NBAS: variants seen among roughly 807,000 people sequenced by gnomAD.
NBAS encodes NAG/BC035112 fusion.
Under a neutral mutation model 302.5 loss-of-function variants are expected in NBAS, and 219 were observed. That is an observed-to-expected ratio of 0.72 (90% confidence interval 0.65 to 0.81). The LOEUF (loss-of-function observed/expected upper bound fraction) is 0.81. Ranked by LOEUF, NBAS falls within the 30% of genes least tolerant of loss-of-function variation. NBAS has a pLI of 0.00. For synonymous variants in NBAS, 1,118 were observed against 1,021.6 expected (o/e 1.09, Z -1.80); for missense variants, 2,932 against 2,841.6 (o/e 1.03, Z -0.72).
chr2:15,315,115 T>C (rs954728537), intron 38 of NBAS, among the ~76,000 whole-genome samples: 2 of 152,206 alleles, frequency 1.3e-5, no homozygotes, highest in Non-Finnish European at 2.9e-5. Flanking sequence ...TCACAATCTG[T>C]ACAATCATAC....
intron 23 of NBAS, among the ~76,000 whole-genome samples, chr2:15,419,868 T>C (rs892903568): frequency 6.6e-6 from 1 of 152,062 alleles, no homozygotes; most frequent in Non-Finnish European, 1.5e-5. Flanking sequence ...TCTGCCACCA[T>C]GCCTGGCTAA....
chr2:14,802,433 G>A, the NBAS span, among the ~76,000 whole-genome samples: 4 of 151,494 alleles, frequency 2.6e-5, no homozygotes, highest in Non-Finnish European at 5.9e-5. Flanking sequence ...TAGCCTTGTA[G>A]TATAGTTTGA....
At chr2:15,054,467 T>C in the NBAS span, among the ~76,000 whole-genome samples, 1 of 152,226 alleles carries the variant, frequency 6.6e-6, no homozygotes, top group African/African-American at 2.4e-5. Context: ...CCATTTTGTG[T>C]AGGATTCTTC....
Position 15,467,909 on chromosome 2 carries a change from A to T in NBAS, c.1878-105T>A, listed in dbSNP as rs112765583. ...GATTTCATTATTGATTTCCACAAAA[A>T]CAGAAGAAAGTATTTGAAAAAAACT... is the stretch of plus-strand genomic sequence containing the variant. On this transcript the variant is annotated intron_variant, in intron 17 of 51. Coordinates refer to ENST00000281513, the MANE Select transcript of NBAS (RefSeq NM_015909.4). The T allele has an allele frequency of 1.9e-3, 1,973 of 1,058,788 alleles. 22 individuals carry two copies. In the African/African-American group the frequency reaches 0.02, roughly 11 times the overall value. 65.6% of individuals were successfully genotyped at this position (1,058,788 alleles called of 1,614,324 possible). A position where few individuals can be genotyped will look rare whatever the true frequency, so the allele number is the denominator to read the frequency against.
At chr2:15,511,082 A>T in intron 10 of NBAS, 130 bp downstream of exon 10, 1 of 1,129,790 alleles carries the variant, frequency 8.9e-7, no homozygotes, top group South Asian at 1.4e-5. Context: ...TTATACCAGC[A>T]TTAATTCACT....
chr2:15,097,126 G>A, the NBAS span, among the ~76,000 whole-genome samples: 2,970 of 152,246 alleles, frequency 0.02, 97 homozygotes, highest in African/African-American at 0.067. Context: ...GGAGGGAGCT[G>A]AGGTATTTAT....
chr2:15,311,144 G>GA (rs1186728746), intron 38 of NBAS, among the ~76,000 whole-genome samples: 1 of 152,130 alleles, frequency 6.6e-6, no homozygotes, highest in Admixed American at 6.5e-5. Context: ...TATGGTGTGG[G>GA]AACACCCAAT....
At chr2:15,242,623 A>T (rs978021202) in intron 44 of NBAS, among the ~76,000 whole-genome samples, 15 of 150,712 alleles carry the variant, frequency 1.0e-4, no homozygotes, top group South Asian at 2.1e-4. Context: ...AGAAATGATT[A>T]AAAAAAAATG....
At chr2:15,161,143 A>G in the NBAS span, among the ~76,000 whole-genome samples, 1 of 152,044 alleles carries the variant, frequency 6.6e-6, no homozygotes, top group East Asian at 1.9e-4. Flanking sequence ...CCTGACTCTC[A>G]CTCTTAGGGA....
the NBAS span, among the ~76,000 whole-genome samples, chr2:14,783,313 T>C: frequency 6.6e-6 from 1 of 151,518 alleles, no homozygotes; most frequent in Non-Finnish European, 1.5e-5. Context: ...CTCCAAATTC[T>C]TTTTTTTATT....
intron 27 of NBAS, among the ~76,000 whole-genome samples, 156 bp from the exon 28 acceptor site, chr2:15,394,505 A>C (rs1271296866): frequency 3.3e-5 from 5 of 152,090 alleles, no homozygotes; most frequent in African/African-American, 1.2e-4. Context: ...CTCAGCAAAA[A>C]AGAAAAAAAA....
intron 12 of NBAS, among the ~76,000 whole-genome samples, chr2:15,484,858 G>A (rs922613394): frequency 3.3e-5 from 5 of 151,958 alleles, no homozygotes; most frequent in Non-Finnish European, 7.4e-5. Context: ...ATGTTATTAC[G>A]TAAATAGGAA....
rs182668472 is a variant in NBAS, at chr2:15,330,518, C to T, written c.4347+80G>A. On this transcript the variant is annotated intron_variant, in intron 36 of 51. Coordinates refer to ENST00000281513, the MANE Select transcript of NBAS (RefSeq NM_015909.4). ...CAATCTAGAGAAGATAAAGATATAA[C>T]AGTGAAAACAACTGAAACATTGCTA... 2.5e-5 allele frequency: 39 copies of T among 1,555,496 alleles called. No homozygotes were observed. In the East Asian group the frequency reaches 8.6e-4, roughly 34 times the overall value.
intron 21 of NBAS, among the ~76,000 whole-genome samples, chr2:15,456,289 T>C (rs375529644): frequency 1.3e-5 from 2 of 152,216 alleles, no homozygotes; most frequent in Non-Finnish European, 2.9e-5. Flanking sequence ...TAATCAAATG[T>C]TGGTTAAATG....
At chr2:15,045,826 T>A in the NBAS span, among the ~76,000 whole-genome samples, 1 of 152,246 alleles carries the variant, frequency 6.6e-6, no homozygotes, top group African/African-American at 2.4e-5. Context: ...GCATTCCCAC[T>A]AACAGTCTAC....
chr2:15,192,216 T>C (rs115801420), intron 48 of NBAS, among the ~76,000 whole-genome samples: 205 of 151,132 alleles, frequency 1.4e-3, no homozygotes, highest in African/African-American at 4.8e-3. Context: ...AAATGTTAGC[T>C]CCTTGAAAGA....
At chr2:15,005,698 A>C in the NBAS span, among the ~76,000 whole-genome samples, 1 of 152,224 alleles carries the variant, frequency 6.6e-6, no homozygotes, top group Non-Finnish European at 1.5e-5. Context: ...TACCTGCTAG[A>C]ATTTAAGAAA....
At chr2:15,362,416 G>A (rs961908573) in intron 32 of NBAS, among the ~76,000 whole-genome samples, 1 of 152,166 alleles carries the variant, frequency 6.6e-6, no homozygotes, top group African/African-American at 2.4e-5. Context: ...GCTGAGGCAG[G>A]AGGATCCCCT....
chr2:15,465,534 C>T lies in NBAS; in HGVS notation c.2097+1795G>A, dbSNP rs541323278. Among the ~76,000 whole-genome samples, 5 of 152,258 alleles carry T rather than the reference C, an allele frequency of 3.3e-5. No homozygotes were observed. In the South Asian group the frequency reaches 1.0e-3, roughly 32 times the overall value. On this transcript the variant is annotated intron_variant, in intron 19 of 51. Transcript: ENST00000281513. ...CATTCATGTCAAATCTAAATGAATTCGTTTTTATCTCATTTATCACAGTAT... is the reference window on the plus strand; with the variant it reads ...CATTCATGTCAAATCTAAATGAATTTGTTTTTATCTCATTTATCACAGTAT...
Sources: gnomAD v4.1 joint callset for allele counts (sites outside exome capture counted in the v4.1 genomes callset) on GRCh38, gnomAD v4.1.1 for gene constraint, MANE v1.5 for transcripts, NCBI Gene and HGNC (gene_info 2026-07-23, HGNC 2026-07-21) for gene names.